Variants in RORB observed in about 807,000 individuals in gnomAD.
RORB encodes nuclear receptor ROR-beta.
RORB carries 6 observed loss-of-function variants against 59.1 expected under a neutral mutation model. The observed-to-expected ratio is 0.10, with a 90% confidence interval of 0.06 to 0.20. The LOEUF (loss-of-function observed/expected upper bound fraction) is 0.20, where lower values mean the gene tolerates loss of function less well. RORB is among the 10% of genes least tolerant of loss of function. RORB has a pLI of 1.00. For missense variants in RORB, 320 were observed against 560.5 expected, an observed-to-expected ratio of 0.57 and a Z score of 4.33; for synonymous variants, 215 against 204.5, an observed-to-expected ratio of 1.05 and a Z score of -0.44.
intron 1 of RORB, among the ~76,000 whole-genome samples, chr9:74,626,556 T>C (rs1823520498): frequency 1.3e-5 from 2 of 152,210 alleles, no homozygotes; most frequent in Non-Finnish European, 2.9e-5. Flanking sequence ...AGTTTGTCTC[T>C]TGGGGAATAC....
intron 1 of RORB, among the ~76,000 whole-genome samples, chr9:74,538,117 AG>A (rs1563931402): frequency 1.3e-5 from 2 of 152,122 alleles, no homozygotes; most frequent in Non-Finnish European, 2.9e-5. Context: ...AATTGCCTAC[AG>A]TATTTAGTTC....
intron 1 of RORB, among the ~76,000 whole-genome samples, chr9:74,535,738 T>TGAGCTA (rs1826313093): frequency 1.3e-5 from 2 of 151,920 alleles, no homozygotes; most frequent in Admixed American, 1.3e-4. Flanking sequence ...GCTATCCAAA[T>TGAGCTA]TCAGAAAAAA....
In RORB at chr9:74,497,741, A is replaced by G. The variant is rs544265927; in HGVS notation, c.-236A>G. ...TTTTTCACCCTTCCTGAAAACAAAC[A>G]AACAAACAAACAATCATCAAAACAG... On this transcript the variant is annotated 5_prime_UTR_variant, in exon 1 of 10. Transcript: ENST00000376896. 1 of 491,810 alleles carries G rather than the reference A, an allele frequency of 2.0e-6. No individual in the cohort carries two copies. The highest frequency in any genetic ancestry group is 3.1e-5 in the East Asian group (1 of 32,762). 30.5% of individuals were successfully genotyped at this position (491,810 alleles called of 1,614,324 possible). A position where few individuals can be genotyped will look rare whatever the true frequency, so the allele number is the denominator to read the frequency against.
intron 1 of RORB, among the ~76,000 whole-genome samples, chr9:74,585,486 G>A (rs1822784238): frequency 6.6e-6 from 1 of 152,172 alleles, no homozygotes; most frequent in African/African-American, 2.4e-5. Flanking sequence ...TTATTCCGAA[G>A]TTGTCAAACT....
chr9:74,572,450 T>C (rs1822567859), intron 1 of RORB, among the ~76,000 whole-genome samples: 1 of 152,120 alleles, frequency 6.6e-6, no homozygotes, highest in Non-Finnish European at 1.5e-5. Flanking sequence ...AAGCTATTTT[T>C]GGAGAGAGCC....
intron 1 of RORB, among the ~76,000 whole-genome samples, chr9:74,549,466 G>A (rs1427080897): frequency 7.2e-6 from 1 of 138,566 alleles, no homozygotes; most frequent in African/African-American, 2.7e-5. Context: ...AAGAAAGAGA[G>A]AGAGAGAGAG....
At chr9:74,615,483 A>T in intron 1 of RORB, 1 of 259,922 alleles carries the variant, frequency 3.8e-6, no homozygotes, top group Non-Finnish European at 8.1e-6. Flanking sequence ...CTTTCATTTA[A>T]TCTCATTAAT....
chr9:74,563,067 G>C (rs867356197), intron 1 of RORB, among the ~76,000 whole-genome samples: 1 of 151,910 alleles, frequency 6.6e-6, no homozygotes, highest in African/African-American at 2.4e-5. Flanking sequence ...CTAATGAACA[G>C]ACCTTATTTA....
intron 1 of RORB, among the ~76,000 whole-genome samples, chr9:74,556,511 C>G (rs750046903): frequency 6.6e-6 from 1 of 152,066 alleles, no homozygotes; most frequent in Non-Finnish European, 1.5e-5. Context: ...ATTTGGGGAC[C>G]ATCCACAGCG....
At chr9:74,517,837 T>C (rs1332981229) in intron 1 of RORB, among the ~76,000 whole-genome samples, 4 of 152,064 alleles carry the variant, frequency 2.6e-5, no homozygotes, top group Non-Finnish European at 5.9e-5. Context: ...TCATCATAGG[T>C]AATTCTTGTT....
chr9:74,563,141 G>T (rs7048382), intron 1 of RORB, among the ~76,000 whole-genome samples: 61,590 of 150,624 alleles, frequency 0.41, 13,741 homozygotes, highest in East Asian at 0.77. Flanking sequence ...ACTGGAGCCC[G>T]ATCCAGGATC....
intron 1 of RORB, among the ~76,000 whole-genome samples, chr9:74,599,869 A>G (rs1230875383): frequency 6.6e-6 from 1 of 152,188 alleles, no homozygotes; most frequent in Non-Finnish European, 1.5e-5. Flanking sequence ...TAAACATTTC[A>G]GAAATTCCAG....
intron 1 of RORB, among the ~76,000 whole-genome samples, chr9:74,577,059 A>G (rs1349034030): frequency 2.0e-5 from 3 of 152,084 alleles, no homozygotes; most frequent in Non-Finnish European, 2.9e-5. Context: ...TACAAGAAAG[A>G]CTGCATGTGT....
chr9:74,660,639 T>C lies in RORB; in HGVS notation c.660T>C (p.Ile220=), dbSNP rs777261095. The C allele has an allele frequency of 6.2e-7, 1 of 1,613,364 alleles. No individual in the cohort carries two copies. The highest frequency in any genetic ancestry group is 8.5e-7 in the Non-Finnish European group (1 of 1,179,776). Residue 220 remains isoleucine, a synonymous_variant, in exon 5 of 10, where the codon ATT becomes ATC. Coordinates refer to ENST00000376896, the MANE Select transcript of RORB (RefSeq NM_006914.4). ...TEIDRIAQNI[I]KSHLETCQYT... ...CAGACCGAATTGCACAGAACATCAT[T>C]AAGTCCCATTTGGAGACATGTCAAT...
At chr9:74,631,780 A>G (rs1823623201) in intron 2 of RORB, among the ~76,000 whole-genome samples, 1 of 152,224 alleles carries the variant, frequency 6.6e-6, no homozygotes, top group Non-Finnish European at 1.5e-5. Context: ...CTGCAGATCT[A>G]TAATTAAGAA....
chr9:74,574,066 T>G (rs1822593852), intron 1 of RORB, among the ~76,000 whole-genome samples: 1 of 152,128 alleles, frequency 6.6e-6, no homozygotes, highest in African/African-American at 2.4e-5. Context: ...CCCAGCAAGA[T>G]GAAGATGATG....
chr9:74,539,369 T>C (rs1826369903), intron 1 of RORB, among the ~76,000 whole-genome samples: 3 of 152,224 alleles, frequency 2.0e-5, no homozygotes, highest in Non-Finnish European at 4.4e-5. Flanking sequence ...AAACTACTTC[T>C]ATCATGCTGT....
intron 1 of RORB, among the ~76,000 whole-genome samples, chr9:74,513,283 A>G (rs1380059548): frequency 6.6e-6 from 1 of 152,098 alleles, no homozygotes; most frequent in Non-Finnish European, 1.5e-5. Flanking sequence ...GTCAAGCAAA[A>G]GTACCAGAAT....
Position 74,642,541 on chromosome 9 carries a change from G to A in RORB, c.363G>A (p.Val121=). ...QSGEAEALAR[V]YSSSISNGLS... ...GGGAGGCAGAAGCCCTTGCCAGGGT[G>A]TACAGCAGCAGCATTAGCAACGGCC... Residue 121 remains valine (V), a synonymous_variant, in exon 4 of 10, where the codon GTG becomes GTA. Coordinates refer to ENST00000376896, the MANE Select transcript of RORB (RefSeq NM_006914.4). 1 of 1,614,210 alleles carries A rather than the reference G, an allele frequency of 6.2e-7. No homozygotes were observed. The highest frequency in any genetic ancestry group is 8.5e-7 in the Non-Finnish European group (1 of 1,180,052).
Sources: gnomAD v4.1 joint callset for allele counts (sites outside exome capture counted in the v4.1 genomes callset) on GRCh38, gnomAD v4.1.1 for gene constraint, MANE v1.5 for transcripts, NCBI Gene and HGNC (gene_info 2026-07-23, HGNC 2026-07-21) for gene names.